The following MTFR1 variants were observed in gnomAD, a reference collection of about 807,000 sequenced individuals.
The protein encoded by MTFR1 is chondrocyte protein with a poly-proline region.
A neutral mutation model predicts 38.8 loss-of-function variants in MTFR1; 28 were observed. That is an observed-to-expected ratio of 0.72 (90% CI 0.53 to 0.99). The LOEUF (loss-of-function observed/expected upper bound fraction) is 0.99, where lower values mean the gene tolerates loss of function less well. Ranked by LOEUF, MTFR1 falls within the 50% of genes least tolerant of loss-of-function variation. The pLI is 0.00. For missense variants in MTFR1, 358 were observed against 395.5 expected (o/e 0.91, Z 0.81); for synonymous variants, 145 against 137.0 (o/e 1.06, Z -0.41).
chr8:65,667,488 C>T (rs942814422), intron 1 of MTFR1, among the ~76,000 whole-genome samples: 11 of 151,846 alleles, frequency 7.2e-5, no homozygotes, highest in African/African-American at 2.4e-4. Flanking sequence ...AGTTCAGTGG[C>T]GTGATCTCAG....
intron 3 of MTFR1, chr8:65,727,246 G>C: frequency 6.2e-7 from 1 of 1,613,838 alleles, no homozygotes; most frequent in Non-Finnish European, 8.5e-7. Context: ...CAGATCATGA[G>C]TGGCAGCTGC....
intron 3 of MTFR1, among the ~76,000 whole-genome samples, chr8:65,749,109 G>A (rs75079838): frequency 0.038 from 5,819 of 152,182 alleles, 157 homozygotes; most frequent in Non-Finnish European, 0.055. Context: ...TGAAGAGGCG[G>A]GAAGCACCCG....
intron 3 of MTFR1, chr8:65,724,810 T>G: frequency 6.2e-7 from 1 of 1,611,724 alleles, no homozygotes; most frequent in Non-Finnish European, 8.5e-7. Context: ...TGGTGTCTTC[T>G]AGGCATAAAT....
In MTFR1 at chr8:65,707,858, G is replaced by A; in HGVS notation, c.780G>A (p.Val260=). 3 of 1,614,032 alleles carry A rather than the reference G, an allele frequency of 1.9e-6. No homozygotes were observed. Among genetic ancestry groups the A allele is most frequent in the Non-Finnish European group, 2.5e-6 (3 of 1,179,960 alleles). Reference sequence around the variant, plus strand: ...CTTCTCTAAGGTCAGAGCAAGATGTGAAGCCCAAGCCAGTGGATGCTACTG... The same window carrying A: ...CTTCTCTAAGGTCAGAGCAAGATGTAAAGCCCAAGCCAGTGGATGCTACTG... The part of the protein sequence containing the change: ...LRSVKRSEQD[V]KPKPVDATDP... The change falls in exon 7 of 8, where the codon GTG becomes GTA. Residue 260 remains valine (V), a synonymous_variant. Transcript: ENST00000262146.
chr8:65,677,384 CTTTTTTT>C (rs771296415), intron 2 of MTFR1, among the ~76,000 whole-genome samples: 1 of 104,684 alleles, frequency 9.6e-6, no homozygotes, highest in Non-Finnish European at 2.0e-5. Context: ...TTAGCTGTTT[CTTTTTTT>C]TTTTTTTTTT....
chr8:65,673,106 C>A (rs1401016934), intron 2 of MTFR1, among the ~76,000 whole-genome samples: 2 of 152,142 alleles, frequency 1.3e-5, no homozygotes, highest in African/African-American at 2.4e-5. Flanking sequence ...AAGCTTAATA[C>A]TTTCTAACTT....
At chr8:65,693,232 C>T (rs1805335147) in intron 3 of MTFR1, among the ~76,000 whole-genome samples, 1 of 151,974 alleles carries the variant, frequency 6.6e-6, no homozygotes, top group Non-Finnish European at 1.5e-5. Context: ...GAAACCTCAT[C>T]TCTACTAAAA....
Position 65,707,968 on chromosome 8 carries a change from G to A in MTFR1, c.890G>A (p.Gly297Glu). The A allele has an allele frequency of 1.9e-6, 3 of 1,613,694 alleles. No homozygotes were observed. The highest frequency in any genetic ancestry group is 2.5e-6 in the Non-Finnish European group (3 of 1,179,980). ...RSDSQDEVEKGIPKSESEATS... is the reference protein window; with the variant it reads ...RSDSQDEVEKEIPKSESEATS... ...GATAGCCAAGATGAAGTTGAAAAAG[G>A]AATTCCAAAGTCTGAATCAGAGGCC... The change falls in exon 7 of 8, where the codon GGA becomes GAA. Residue 297 changes from glycine to glutamate, a missense_variant. Transcript: ENST00000262146.
At chr8:65,766,340 T>C (rs780810310) in intron 3 of MTFR1, among the ~76,000 whole-genome samples, 1 of 152,250 alleles carries the variant, frequency 6.6e-6, no homozygotes, top group African/African-American at 2.4e-5. Context: ...ACCAAGTATA[T>C]GGCTAATTGA....
chr8:65,775,542 C>T (rs1366381068), downstream of MTFR1, among the ~76,000 whole-genome samples: 1 of 152,220 alleles, frequency 6.6e-6, no homozygotes, highest in East Asian at 1.9e-4. Flanking sequence ...TGAAAAATTT[C>T]CAGGTGGCCA....
rs968291869 is a variant in MTFR1, at chr8:65,645,195, G to C, written c.-81+411G>C. Among the ~76,000 whole-genome samples the C allele has an allele frequency of 2.0e-5, 3 of 152,318 alleles. No individual in the cohort carries two copies. In the South Asian group the frequency reaches 6.2e-4, roughly 32 times the overall value. On this transcript the variant is annotated intron_variant, in intron 1 of 7. Coordinates refer to ENST00000262146, the MANE Select transcript of MTFR1 (RefSeq NM_014637.4). ...TCGCGGCGGCTCCCTTGGGTGCTGCGCCCTTAACGGGCTCAGGAGCCGGAC... is the reference window on the plus strand; with the variant it reads ...TCGCGGCGGCTCCCTTGGGTGCTGCCCCCTTAACGGGCTCAGGAGCCGGAC...
intron 3 of MTFR1, among the ~76,000 whole-genome samples, chr8:65,683,132 CTTTTTTTTTTT>C (rs748824241): frequency 1.6e-5 from 2 of 121,686 alleles, no homozygotes; most frequent in Non-Finnish European, 3.4e-5. Flanking sequence ...TTCTTTCTTT[CTTTTTTTTTTT>C]TTTTTTTTGA....
chr8:65,777,226 T>A, the MTFR1 span, among the ~76,000 whole-genome samples: 1 of 151,946 alleles, frequency 6.6e-6, no homozygotes, highest in African/African-American at 2.4e-5. Context: ...ATTACAGGCA[T>A]GCACCACCAC....
chr8:65,739,732 C>T (rs1055844337), intron 3 of MTFR1: 2 of 924,842 alleles, frequency 2.2e-6, no homozygotes, highest in African/African-American at 3.4e-5. Flanking sequence ...CAAAAATATG[C>T]ATCTTCTTAC....
At chr8:65,760,899 G>T (rs898953186) in intron 3 of MTFR1, among the ~76,000 whole-genome samples, 7 of 150,442 alleles carry the variant, frequency 4.7e-5, no homozygotes, top group African/African-American at 1.7e-4. Context: ...ATATCAAGCT[G>T]AATAATTAAC....
At chr8:65,762,653 A>T (rs1451901841) in intron 3 of MTFR1, among the ~76,000 whole-genome samples, 1 of 152,236 alleles carries the variant, frequency 6.6e-6, no homozygotes, top group African/African-American at 2.4e-5. Context: ...AAGAAAAAGC[A>T]CTTAAAATTA....
At chr8:65,649,377 C>T (rs989342638) in intron 1 of MTFR1, among the ~76,000 whole-genome samples, 1 of 151,890 alleles carries the variant, frequency 6.6e-6, no homozygotes. Flanking sequence ...GGAGAGACAG[C>T]GTTTCACCAT....
At chr8:65,736,826 A>C (rs1807159334) in intron 3 of MTFR1, among the ~76,000 whole-genome samples, 1 of 150,558 alleles carries the variant, frequency 6.6e-6, no homozygotes, top group South Asian at 2.1e-4. Context: ...TCTAAGTAGA[A>C]GTCTGAAGTC....
intron 3 of MTFR1, among the ~76,000 whole-genome samples, chr8:65,691,566 A>G (rs904478216): frequency 6.6e-5 from 10 of 152,336 alleles, no homozygotes; most frequent in Middle Eastern, 3.4e-3. Flanking sequence ...TGCCAGGATT[A>G]CAGGCGTGAG....
Sources: gnomAD v4.1 joint callset for allele counts (sites outside exome capture counted in the v4.1 genomes callset) on GRCh38, gnomAD v4.1.1 for gene constraint, MANE v1.5 for transcripts, NCBI Gene and HGNC (gene_info 2026-07-23, HGNC 2026-07-21) for gene names.